MYCBP2: variants seen among roughly 807,000 people sequenced by gnomAD.
MYCBP2 encodes the protein MYC binding protein 2.
Under a neutral mutation model 525.3 loss-of-function variants are expected in MYCBP2, and 120 were observed. The ratio of observed to expected loss-of-function variants is 0.23; its 90% confidence interval spans 0.20 to 0.27. The LOEUF is 0.27. Ranked by LOEUF, MYCBP2 falls within the 10% of genes least tolerant of loss-of-function variation. The pLI is 1.00. For synonymous variants in MYCBP2, 1,894 were observed against 1,955.8 expected, an observed-to-expected ratio of 0.97 and a Z score of 0.83; for missense variants, 4,149 against 5,657.1, an observed-to-expected ratio of 0.73 and a Z score of 8.55.
chr13:77,169,630 G>A lies in MYCBP2; in HGVS notation c.5879C>T (p.Ala1960Val), dbSNP rs1456915523. 1 of 1,612,802 alleles carries A rather than the reference G, an allele frequency of 6.2e-7. No homozygotes were observed. The highest frequency in any genetic ancestry group is 1.3e-5 in the African/African-American group (1 of 74,858). The change falls in exon 39 of 83, where the codon GCT becomes GTT. Residue 1960 changes from alanine to valine, a missense_variant. Coordinates refer to ENST00000544440, the MANE Select transcript of MYCBP2 (RefSeq NM_015057.5). The part of the protein sequence containing the change: ...PLIIAYIGPV[A>V]AAIPKVAVEV... ...ATTACACACCTTGGGAATAGCAGCA[G>A]CTACTGGTCCTATGTAGGCTATAAT...
At chr13:77,186,210 C>T (rs2060699147) in intron 30 of MYCBP2, 147 bp from the exon 31 acceptor site, 1 of 531,894 alleles carries the variant, frequency 1.9e-6, no homozygotes, top group African/African-American at 1.9e-5. Context: ...TTACTGAGCC[C>T]AAGACACTTT....
intron 62 of MYCBP2, among the ~76,000 whole-genome samples, chr13:77,086,731 A>AT (rs970540059): frequency 2.6e-5 from 4 of 152,122 alleles, no homozygotes; most frequent in Non-Finnish European, 5.9e-5. Flanking sequence ...TGTTTTTTAA[A>AT]TATCAATTAT....
rs916011715 is a variant in MYCBP2, at chr13:77,294,344, C to G, written c.378+2255G>C. Among the ~76,000 whole-genome samples the G allele has an allele frequency of 2.6e-5, 4 of 151,394 alleles. No homozygotes were observed. The South Asian group carries it at 8.3e-4, about 31-fold the overall frequency. On this transcript the variant is annotated intron_variant, in intron 2 of 82. Coordinates refer to ENST00000544440, the MANE Select transcript of MYCBP2 (RefSeq NM_015057.5). ...ATGCCTCTTACTCATCTTTGTATCC[C>G]AAACATCCAGCATAATGCCTGCACA...
intron 27 of MYCBP2, 44 bp downstream of exon 27, chr13:77,194,108 AT>A (rs745540652): frequency 4.8e-6 from 6 of 1,242,574 alleles, no homozygotes; most frequent in Middle Eastern, 1.9e-4. Flanking sequence ...AATTTTTAAT[AT>A]TAAGTATGCA....
rs773225079 is a variant in MYCBP2 at position 77,326,569 on chromosome 13, T to C, written c.207A>G (p.Ser69=). The change falls in exon 1 of 83, where the codon TCA becomes TCG. Residue 69 remains serine (S), a synonymous_variant. Transcript: ENST00000544440. This position sits in a 1 kb window ranked among gnomAD's most constrained non-coding sequence, Gnocchi z 4.2. The stretch of plus-strand genomic sequence containing the variant: ...GGTAGCGGTCGGCCAGGGCCCGGCC[T>C]GACAGCAGCAGCTGGTAGTGACCCC... The part of the protein sequence containing the change: ...DSRGHYQLLL[S]GRALADRYRR... 2 of 1,598,482 alleles carry C rather than the reference T, an allele frequency of 1.3e-6. No individual in the cohort carries two copies. The highest frequency in any genetic ancestry group is 1.1e-5 in the South Asian group (1 of 90,326).
chr13:77,311,488 T>C (rs1036576609), intron 1 of MYCBP2, among the ~76,000 whole-genome samples: 3 of 151,192 alleles, frequency 2.0e-5, no homozygotes, highest in Non-Finnish European at 4.4e-5. Flanking sequence ...ACTATAAATA[T>C]GCTACATTGA....
At chr13:77,045,896 A>C (rs1410566042) in intron 82 of MYCBP2, among the ~76,000 whole-genome samples, 1 of 152,196 alleles carries the variant, frequency 6.6e-6, no homozygotes, top group Non-Finnish European at 1.5e-5. Context: ...TTTTGTGTAG[A>C]ATGTTTTTCT....
chr13:77,093,340 A>C lies in MYCBP2; in HGVS notation c.10200-8T>G. On this transcript the variant is annotated splice_polypyrimidine_tract_variant and splice_region_variant and intron_variant, in intron 58 of 82. Transcript: ENST00000544440. ...AAATTTTCATGATGATGCCTGCATT[A>C]AATCAAACCCAATAACTTAAAGCAT... is the stretch of plus-strand genomic sequence containing the variant. The C allele has an allele frequency of 6.8e-6, 11 of 1,612,104 alleles. No homozygotes were observed. Among genetic ancestry groups the C allele is most frequent in the Non-Finnish European group, 9.3e-6 (11 of 1,178,914 alleles).
intron 71 of MYCBP2, among the ~76,000 whole-genome samples, chr13:77,066,816 T>C (rs928420918): frequency 1.3e-5 from 2 of 152,194 alleles, no homozygotes; most frequent in Admixed American, 1.3e-4. Context: ...AGTAGTGAGG[T>C]GTTTTCATTT....
chr13:77,084,926 C>T (rs1249368870), intron 62 of MYCBP2, among the ~76,000 whole-genome samples: 3 of 152,072 alleles, frequency 2.0e-5, no homozygotes, highest in Middle Eastern at 3.4e-3. Context: ...ACACAACTGA[C>T]GTACTCTGCT....
intron 21 of MYCBP2, among the ~76,000 whole-genome samples, chr13:77,214,954 T>C (rs2064603363): frequency 6.6e-6 from 1 of 151,862 alleles, no homozygotes; most frequent in Admixed American, 6.6e-5. Flanking sequence ...CATATATAGG[T>C]ATATATATAT....
intron 21 of MYCBP2, among the ~76,000 whole-genome samples, chr13:77,214,949 A>G (rs894662937): frequency 1.3e-5 from 2 of 152,186 alleles, no homozygotes; most frequent in African/African-American, 2.4e-5. Context: ...ACATACATAT[A>G]TAGGTATATA....
chr13:77,055,496 A>C, intron 80 of MYCBP2, 62 bp downstream of exon 80: 1 of 1,356,584 alleles, frequency 7.4e-7, no homozygotes, highest in Non-Finnish European at 1.0e-6. Flanking sequence ...GTACAATTTG[A>C]ATTCTTAATC....
intron 2 of MYCBP2, among the ~76,000 whole-genome samples, 158 bp downstream of exon 2, chr13:77,296,441 G>A (rs1410091899): frequency 1.3e-5 from 2 of 151,214 alleles, no homozygotes; most frequent in African/African-American, 4.9e-5. Flanking sequence ...CCAAAAGAAA[G>A]ATGAAACTAA....
chr13:77,303,056 C>T (rs2154370733), intron 1 of MYCBP2, among the ~76,000 whole-genome samples: 1 of 152,292 alleles, frequency 6.6e-6, no homozygotes, highest in East Asian at 1.9e-4. Flanking sequence ...ATTAATCGGC[C>T]AGGCGCGGTG....
At chr13:77,284,554 T>C (rs570048869) in intron 3 of MYCBP2, among the ~76,000 whole-genome samples, 6 of 152,328 alleles carry the variant, frequency 3.9e-5, no homozygotes, top group African/African-American at 1.4e-4. Flanking sequence ...TGCCTCTGCA[T>C]AGAGGCATCT....
At chr13:77,274,640 G>T (rs920006270) in intron 4 of MYCBP2, among the ~76,000 whole-genome samples, 3 of 152,094 alleles carry the variant, frequency 2.0e-5, no homozygotes, top group Non-Finnish European at 4.4e-5. Context: ...CCCAAATTAA[G>T]TCCTGTTTAT....
In MYCBP2 at chr13:77,288,106, A is replaced by G. The variant is rs1291738491; in HGVS notation, c.594+55T>C. 4.5e-6 allele frequency: 7 copies of G among 1,555,830 alleles called. No individual in the cohort carries two copies. In the African/African-American group the frequency reaches 8.2e-5, roughly 18 times the overall value. Reference sequence around the variant, plus strand: ...TTAGCAATGCGTATATATGCATTATAGCCAGAACACCTGCAGGTTACACAT... The same window carrying G: ...TTAGCAATGCGTATATATGCATTATGGCCAGAACACCTGCAGGTTACACAT... On this transcript the variant is annotated intron_variant, in intron 3 of 82. Coordinates refer to ENST00000544440, the MANE Select transcript of MYCBP2 (RefSeq NM_015057.5).
intron 76 of MYCBP2, among the ~76,000 whole-genome samples, chr13:77,059,986 C>T (rs1398005649): frequency 6.6e-6 from 1 of 151,986 alleles, no homozygotes; most frequent in Non-Finnish European, 1.5e-5. Flanking sequence ...AATAAAAATA[C>T]ACAGAAGTTA....
Sources: allele counts gnomAD v4.1 joint callset (sites outside exome capture counted in the v4.1 genomes callset), GRCh38; gene constraint gnomAD v4.1.1; non-coding constraint Gnocchi (gnomAD v3.1); transcripts MANE v1.5; gene names NCBI Gene and HGNC (gene_info 2026-07-23, HGNC 2026-07-21).